Variants in ZFPM1 observed in about 807,000 individuals in gnomAD.
ZFPM1 encodes the protein zinc finger protein ZFPM1.
ZFPM1 carries 28 observed loss-of-function variants against 46.3 expected under a neutral mutation model. That is an observed-to-expected ratio of 0.60 (90% confidence interval 0.45 to 0.83). The LOEUF is 0.83. Among genes scored for constraint, ZFPM1 ranks in the 40% least tolerant of loss-of-function variants. The probability of loss-of-function intolerance (pLI) is 0.00; values close to 1 mark genes in which losing one functional copy is unlikely to be tolerated. For missense variants in ZFPM1, 1,878 were observed against 1,432.4 expected, an observed-to-expected ratio of 1.31 and a Z score of -5.02; for synonymous variants, 957 against 675.9, an observed-to-expected ratio of 1.42 and a Z score of -6.45.
intron 3 of ZFPM1, among the ~76,000 whole-genome samples, chr16:88,490,513 G>C (rs1325814567): frequency 2.0e-5 from 3 of 152,214 alleles, no homozygotes; most frequent in Non-Finnish European, 2.9e-5. Flanking sequence ...GAAAGGCTTC[G>C]CTGAGGCAGA....
chr16:88,516,373 C>A, intron 4 of ZFPM1: 1 of 397,710 alleles, frequency 2.5e-6, no homozygotes, highest in Non-Finnish European at 4.4e-6. Flanking sequence ...CCTGGGGATA[C>A]GGGCACGGGG....
At position 88,532,306 on chromosome 16, in the gene ZFPM1, G is replaced by C. The variant is rs983774754; in HGVS notation, c.946+71G>C. ...CCCCACCCAGTCCCGCAGGCCGCCC[G>C]GGAAAACCCACATGCAAGCACACAC... On this transcript the variant is annotated intron_variant, in intron 7 of 9. Transcript: ENST00000319555. 116 of 1,411,872 alleles carry C rather than the reference G, an allele frequency of 8.2e-5. 1 individual carries two copies. In the South Asian group the frequency reaches 1.5e-3, roughly 18 times the overall value. The allele number at this position is 1,411,872 out of a possible 1,614,324, so 87.5% of individuals were successfully genotyped here.
chr16:88,532,775 G>T lies in ZFPM1; in HGVS notation c.1043-14G>T. ...CCCCGCCCTGGGCCTTGACCACCTC[G>T]CCATGGCCCACAGGTGTCTGCCACA... On this transcript the variant is annotated splice_polypyrimidine_tract_variant and intron_variant, in intron 8 of 9. Coordinates refer to ENST00000319555, the MANE Select transcript of ZFPM1 (RefSeq NM_153813.3). The T allele has an allele frequency of 6.2e-7, 1 of 1,613,050 alleles. No individual in the cohort carries two copies. The highest frequency in any genetic ancestry group is 1.7e-4 in the Middle Eastern group (1 of 6,058).
At position 88,471,354 on chromosome 16, in the gene ZFPM1, G is replaced by A. The variant is rs981651429; in HGVS notation, c.41-14585G>A. On this transcript the variant is annotated intron_variant, in intron 1 of 9. Coordinates refer to ENST00000319555, the MANE Select transcript of ZFPM1 (RefSeq NM_153813.3). This position sits in a 1 kb window ranked among gnomAD's most constrained non-coding sequence, Gnocchi z 4.1. The stretch of plus-strand genomic sequence containing the variant: ...GCTCTGAGATGACTGTGTCCGTGGC[G>A]GCTCCCGCTCACAGTTCAGGACCCC... Among the ~76,000 whole-genome samples, 1 of 152,346 alleles carries A rather than the reference G, an allele frequency of 6.6e-6. No individual in the cohort carries two copies. The highest frequency in any genetic ancestry group is 1.9e-4 in the East Asian group (1 of 5,184).
intron 5 of ZFPM1, 118 bp downstream of exon 5, chr16:88,527,034 G>T: frequency 1.4e-6 from 2 of 1,438,448 alleles, no homozygotes; most frequent in Non-Finnish European, 1.8e-6. Context: ...TGGGGCACAG[G>T]GAGCTGCTGG....
In ZFPM1 at chr16:88,517,863, G is replaced by T. The variant is rs1201935847; in HGVS notation, c.402+3343G>T. Among the ~76,000 whole-genome samples the T allele has an allele frequency of 2.0e-5, 3 of 151,870 alleles. No homozygotes were observed. In the East Asian group the frequency reaches 5.9e-4, roughly 30 times the overall value. ...ATGAGTGGGTGAGTGGGTAAAGGAG[G>T]GGTGGATAGATGGATGAGTGGATAG... is the stretch of plus-strand genomic sequence containing the variant. On this transcript the variant is annotated intron_variant, in intron 4 of 9. Transcript: ENST00000319555.
upstream of ZFPM1, among the ~76,000 whole-genome samples, chr16:88,452,144 A>T (rs1163030224): frequency 6.6e-6 from 1 of 152,018 alleles, no homozygotes; most frequent in East Asian, 1.9e-4. Context: ...GGGATGGGGG[A>T]GCAGGTAGCA....
intron 1 of ZFPM1, among the ~76,000 whole-genome samples, chr16:88,464,317 T>C (rs898189189): frequency 1.3e-5 from 2 of 152,186 alleles, no homozygotes; most frequent in Admixed American, 1.3e-4. Flanking sequence ...TTATGACTGA[T>C]AGTTCCCGAC....
In ZFPM1 at chr16:88,534,095, C is replaced by T; in HGVS notation, c.2137C>T (p.Pro713Ser). Residue 713 changes from proline to serine, a missense_variant, in exon 10 of 10, where the codon CCG (proline) becomes TCG (serine). Pro to Ser is a moderately conservative substitution (Grantham distance 74). Coordinates refer to ENST00000319555, the MANE Select transcript of ZFPM1 (RefSeq NM_153813.3). ...RYYCASRHDP[P>S]PRRPAAPPGP... Reference sequence around the variant, plus strand: ...CTACTGCGCCTCGCGCCACGACCCGCCGCCGCGCCGACCGGCCGCGCCCCC... The same window carrying T: ...CTACTGCGCCTCGCGCCACGACCCGTCGCCGCGCCGACCGGCCGCGCCCCC... 2 of 1,188,906 alleles carry T rather than the reference C, an allele frequency of 1.7e-6. No individual in the cohort carries two copies. Among genetic ancestry groups the T allele is most frequent in the Non-Finnish European group, 2.1e-6 (2 of 938,944 alleles). The allele number at this position is 1,188,906 out of a possible 1,614,324, so 73.6% of individuals were successfully genotyped here. A position where few individuals can be genotyped will look rare whatever the true frequency, so the allele number is the denominator to read the frequency against.
chr16:88,514,662 T>C, intron 4 of ZFPM1, 142 bp downstream of exon 4: 1 of 1,202,188 alleles, frequency 8.3e-7, no homozygotes, highest in Non-Finnish European at 1.1e-6. Context: ...ACCTGGAGGA[T>C]AGGGAGGGAT....
intron 4 of ZFPM1, among the ~76,000 whole-genome samples, chr16:88,522,368 C>A (rs1345375388): frequency 6.6e-6 from 1 of 152,168 alleles, no homozygotes; most frequent in Non-Finnish European, 1.5e-5. Flanking sequence ...GCCTCAGCAG[C>A]CTCAGCCTCA....
intron 3 of ZFPM1, among the ~76,000 whole-genome samples, chr16:88,500,547 C>A (rs1376169314): frequency 6.6e-6 from 1 of 152,274 alleles, no homozygotes; most frequent in Non-Finnish European, 1.5e-5. Context: ...TGTCACCTTG[C>A]TGGTGCTGTC....
At chr16:88,512,544 C>A (rs958643673) in intron 3 of ZFPM1, among the ~76,000 whole-genome samples, 1 of 152,168 alleles carries the variant, frequency 6.6e-6, no homozygotes, top group Non-Finnish European at 1.5e-5. Flanking sequence ...GGCCCCCCAC[C>A]CCGCCCTGCC....
chr16:88,509,917 G>A (rs1910861144), intron 3 of ZFPM1, among the ~76,000 whole-genome samples: 1 of 152,152 alleles, frequency 6.6e-6, no homozygotes, highest in South Asian at 2.1e-4. Context: ...GGGCACTGTT[G>A]GCCACGTTGT....
chr16:88,502,308 C>T lies in ZFPM1; in HGVS notation c.269-12079C>T, dbSNP rs984245963. Among the ~76,000 whole-genome samples, 44 of 151,984 alleles carry T rather than the reference C, an allele frequency of 2.9e-4. 1 individual carries two copies. The highest frequency in any genetic ancestry group is 1.2e-4 in the African/African-American group (5 of 41,396). ...GCAAGATGCTATCTCGGGTTTATTG[C>T]GTCTCGTGAGGGTGCCTCCCACCCC... On this transcript the variant is annotated intron_variant, in intron 3 of 9. Coordinates refer to ENST00000319555, the MANE Select transcript of ZFPM1 (RefSeq NM_153813.3).
chr16:88,477,858 T>G (rs112375795), intron 1 of ZFPM1, among the ~76,000 whole-genome samples: 266 of 152,326 alleles, frequency 1.7e-3, no homozygotes, highest in African/African-American at 5.6e-3. Context: ...CTGGGGACAT[T>G]CAGTTCAGCA....
At chr16:88,501,504 G>A (rs1399664394) in intron 3 of ZFPM1, among the ~76,000 whole-genome samples, 9 of 141,534 alleles carry the variant, frequency 6.4e-5, no homozygotes, top group South Asian at 2.2e-4. Context: ...TCCCGCAGGT[G>A]CTGGTGATGA....
chr16:88,519,721 G>A (rs1203645834), intron 4 of ZFPM1, among the ~76,000 whole-genome samples: 3 of 147,116 alleles, frequency 2.0e-5, no homozygotes, highest in African/African-American at 5.1e-5. Flanking sequence ...ATGGGAGGGT[G>A]GGTGGATGAT....
chr16:88,478,877 A>G (rs1158350282), intron 1 of ZFPM1, among the ~76,000 whole-genome samples: 1 of 152,160 alleles, frequency 6.6e-6, no homozygotes, highest in East Asian at 1.9e-4. Flanking sequence ...TACTCGAGGG[A>G]AACGGGGGTG....
Sources: allele counts gnomAD v4.1 joint callset (sites outside exome capture counted in the v4.1 genomes callset), GRCh38; gene constraint gnomAD v4.1.1; non-coding constraint Gnocchi (gnomAD v3.1); transcripts MANE v1.5; gene names NCBI Gene and HGNC (gene_info 2026-07-23, HGNC 2026-07-21).